Variants in TACC1 observed in about 807,000 individuals in gnomAD.
TACC1 encodes transforming acidic coiled-coil containing protein 1, also known as transforming acidic coiled-coil-containing protein 1.
In TACC1, 48 loss-of-function variants were observed where a neutral mutation model predicts 84.4. That is an observed-to-expected ratio of 0.57 (90% CI 0.45 to 0.72). TACC1 has a LOEUF of 0.72. Among genes scored for constraint, TACC1 ranks in the 30% least tolerant of loss-of-function variants. TACC1 has a pLI of 0.00. For missense variants in TACC1, 920 were observed against 973.0 expected, an observed-to-expected ratio of 0.95 and a Z score of 0.72; for synonymous variants, 372 against 376.3, an observed-to-expected ratio of 0.99 and a Z score of 0.13.
At chr8:38,824,159 T>G in intron 3 of TACC1, 1 of 683,148 alleles carries the variant, frequency 1.5e-6, no homozygotes, top group Middle Eastern at 2.9e-4. Context: ...TTGCATTTCA[T>G]CAGTCACTTC....
At chr8:38,769,704 G>GAT (rs1813145838) in intron 3 of TACC1, among the ~76,000 whole-genome samples, 3 of 139,244 alleles carry the variant, frequency 2.2e-5, no homozygotes, top group Admixed American at 7.0e-5. Context: ...GTGTGATTGT[G>GAT]TGTGTGGTGT....
At chr8:38,778,971 G>GTTTTTTT (rs113257559) in intron 3 of TACC1, among the ~76,000 whole-genome samples, 7 of 139,932 alleles carry the variant, frequency 5.0e-5, no homozygotes, top group African/African-American at 1.6e-4. Flanking sequence ...GGGTCCTTGG[G>GTTTTTTT]TTTTTTTTTT....
At chr8:38,795,304 A>G (rs1056506494) in intron 2 of TACC1, among the ~76,000 whole-genome samples, 3 of 152,254 alleles carry the variant, frequency 2.0e-5, no homozygotes, top group Non-Finnish European at 4.4e-5. Flanking sequence ...GAAAGGAAAG[A>G]TTTTAGTAAC....
At chr8:38,778,244 C>A (rs1303391686) in intron 3 of TACC1, among the ~76,000 whole-genome samples, 2 of 150,230 alleles carry the variant, frequency 1.3e-5, no homozygotes, top group Non-Finnish European at 2.9e-5. Context: ...CCACACCTGG[C>A]CTTTTGCTTT....
intron 2 of TACC1, among the ~76,000 whole-genome samples, chr8:38,789,228 C>T (rs1023421858): frequency 7.2e-5 from 11 of 152,086 alleles, no homozygotes; most frequent in Non-Finnish European, 1.6e-4. Context: ...TCTTAAGAGG[C>T]TTTTTCGGAA....
rs2152323827 is a variant in TACC1, at chr8:38,842,274, T to C, written c.1961-13T>C. ...GAATAAATATGTCATTCCTTTTGACTTGTGATTCCCAGAAGATGAACAAAG... is the reference window on the plus strand; with the variant it reads ...GAATAAATATGTCATTCCTTTTGACCTGTGATTCCCAGAAGATGAACAAAG... On this transcript the variant is annotated splice_polypyrimidine_tract_variant and intron_variant, in intron 9 of 12. Coordinates refer to ENST00000317827, the MANE Select transcript of TACC1 (RefSeq NM_006283.3). 1 of 1,604,752 alleles carries C rather than the reference T, an allele frequency of 6.2e-7. No individual in the cohort carries two copies. Among genetic ancestry groups the C allele is most frequent in the Non-Finnish European group, 8.5e-7 (1 of 1,177,492 alleles).
At chr8:38,770,472 G>A (rs1813368694) in intron 3 of TACC1, among the ~76,000 whole-genome samples, 1 of 151,816 alleles carries the variant, frequency 6.6e-6, no homozygotes, top group African/African-American at 2.4e-5. Context: ...TCATGTTCTC[G>A]CCTTTTTTGG....
intron 3 of TACC1, among the ~76,000 whole-genome samples, chr8:38,747,485 G>C (rs562517018): frequency 6.6e-6 from 1 of 152,130 alleles, no homozygotes; most frequent in Non-Finnish European, 1.5e-5. Context: ...TGGATAAACC[G>C]TGATATATCC....
Position 38,739,913 on chromosome 8 carries a change from A to T in TACC1, c.-674-2438A>T, listed in dbSNP as rs564316644. Among the ~76,000 whole-genome samples the T allele has an allele frequency of 2.6e-5, 4 of 152,304 alleles. No individual in the cohort carries two copies. In the South Asian group the frequency reaches 8.3e-4, roughly 32 times the overall value. ...AGCACCATAGCAAAGCTTGGCCCTT[A>T]GAGAGTACCCTGTTGGGCAGCAGTG... On this transcript the variant is annotated intron_variant, in intron 1 of 14. Transcript: ENST00000518415.
In TACC1 at chr8:38,836,142, T is replaced by C. The variant is rs995408095; in HGVS notation, c.1714-20T>C. On this transcript the variant is annotated intron_variant, in intron 6 of 12. Coordinates refer to ENST00000317827, the MANE Select transcript of TACC1 (RefSeq NM_006283.3). ...AGAAGCTGAAAGCTGACAGATTCAG[T>C]GTAATCCCTTTCCCCACAGGGGCTG... is the stretch of plus-strand genomic sequence containing the variant. The C allele has an allele frequency of 2.5e-6, 4 of 1,612,070 alleles. No homozygotes were observed. The highest frequency in any genetic ancestry group is 3.4e-6 in the Non-Finnish European group (4 of 1,179,172).
intron 2 of TACC1, among the ~76,000 whole-genome samples, chr8:38,812,437 A>G (rs1339570712): frequency 6.6e-6 from 1 of 152,126 alleles, no homozygotes; most frequent in South Asian, 2.1e-4. Flanking sequence ...TACTCTTTTT[A>G]TATCTCAGAC....
upstream of TACC1, among the ~76,000 whole-genome samples, chr8:38,783,082 CTATCTAT>C (rs1816381878): frequency 1.9e-5 from 2 of 107,400 alleles, no homozygotes; most frequent in African/African-American, 8.8e-5. Flanking sequence ...ATCTATCTAT[CTATCTAT>C]CTATCTATCT....
intron 3 of TACC1, among the ~76,000 whole-genome samples, chr8:38,823,075 G>A: frequency 6.6e-6 from 1 of 152,192 alleles, no homozygotes; most frequent in East Asian, 1.9e-4. Flanking sequence ...TCTCAGCATT[G>A]CTATGACTTA....
chr8:38,755,753 A>ACGACGAC (rs1554496269), intron 3 of TACC1, among the ~76,000 whole-genome samples: 5 of 82,780 alleles, frequency 6.0e-5, no homozygotes, highest in African/African-American at 2.7e-4. Flanking sequence ...CAACAACAAC[A>ACGACGAC]GAGTGTTCCT....
intron 3 of TACC1, among the ~76,000 whole-genome samples, chr8:38,821,146 A>G (rs1403818833): frequency 1.3e-5 from 2 of 151,950 alleles, no homozygotes; most frequent in African/African-American, 2.4e-5. Context: ...CAGAGGTTGC[A>G]GTGAGCCGAG....
At position 38,842,359 on chromosome 8, in the gene TACC1, T is replaced by C; in HGVS notation, c.2033T>C (p.Leu678Pro). 1 of 1,614,260 alleles carries C rather than the reference T, an allele frequency of 6.2e-7. No individual in the cohort carries two copies. Among genetic ancestry groups the C allele is most frequent in the Non-Finnish European group, 8.5e-7 (1 of 1,180,048 alleles). Residue 678 changes from leucine (L) to proline (P), a missense_variant, in exon 10 of 13, where the codon CTG (leucine) becomes CCG (proline). By Grantham distance (98) the Leu-to-Pro change is moderately conservative. Transcript: ENST00000317827. ...CTGACCATGGAGAAGGAACAGGCCCTGGCTGACCTTAACTCTGTGGAAAGG... is the reference window on the plus strand; with the variant it reads ...CTGACCATGGAGAAGGAACAGGCCCCGGCTGACCTTAACTCTGTGGAAAGG... ...QQLTMEKEQA[L>P]ADLNSVERSL...
upstream of TACC1, among the ~76,000 whole-genome samples, chr8:38,784,394 C>T (rs1009354102): frequency 2.6e-5 from 4 of 151,912 alleles, no homozygotes; most frequent in Admixed American, 6.6e-5. Context: ...GATGAAACCC[C>T]GTCTCTACTA....
chr8:38,788,727 A>G lies in TACC1; in HGVS notation c.185A>G (p.Glu62Gly). Residue 62 changes from glutamate (E) to glycine (G), a missense_variant, in exon 2 of 13, where the codon GAG (glutamate) becomes GGG (glycine). By Grantham distance (98) the Glu-to-Gly change is moderately conservative. This residue lies in a region of TACC1 where 762 missense variants were observed against 747.3 expected (regional missense o/e 1.02). Coordinates refer to ENST00000317827, the MANE Select transcript of TACC1 (RefSeq NM_006283.3). Reference sequence around the variant, plus strand: ...AGCTCGGATTCTGAAGGTAATTTTGAGACTCCTGAAGCTGAAACCCCGATC... The same window carrying G: ...AGCTCGGATTCTGAAGGTAATTTTGGGACTCCTGAAGCTGAAACCCCGATC... ...SFSSDSEGNF[E>G]TPEAETPIRS... 1 of 1,613,766 alleles carries G rather than the reference A, an allele frequency of 6.2e-7. No homozygotes were observed. Among genetic ancestry groups the G allele is most frequent in the Non-Finnish European group, 8.5e-7 (1 of 1,179,896 alleles).
intron 2 of TACC1, among the ~76,000 whole-genome samples, chr8:38,744,361 C>A (rs933010668): frequency 6.6e-6 from 1 of 152,130 alleles, no homozygotes; most frequent in Non-Finnish European, 1.5e-5. Flanking sequence ...GGTGATCCAC[C>A]CGTCTCAGCC....
Sources: allele counts gnomAD v4.1 joint callset (sites outside exome capture counted in the v4.1 genomes callset), GRCh38; gene constraint gnomAD v4.1.1; regional missense constraint gnomAD v4.1.1; transcripts MANE v1.5; gene names NCBI Gene and HGNC (gene_info 2026-07-23, HGNC 2026-07-21).